NAV1: variants seen among roughly 807,000 people sequenced by gnomAD.
NAV1 encodes pore membrane and/or filament interacting like protein 3.
Under a neutral mutation model 175.2 loss-of-function variants are expected in NAV1, and 18 were observed. The ratio of observed to expected loss-of-function variants is 0.10; its 90% confidence interval spans 0.07 to 0.15. The LOEUF is 0.15. Ranked by LOEUF, NAV1 falls within the 10% of genes least tolerant of loss-of-function variation. The probability of loss-of-function intolerance (pLI) is 1.00; values close to 1 mark genes in which losing one functional copy is unlikely to be tolerated. For missense variants in NAV1, 1,731 were observed against 2,436.6 expected (o/e 0.71, Z 6.10); for synonymous variants, 897 against 978.7 (o/e 0.92, Z 1.56).
chr1:201,638,484 AG>A (rs1460341031), intron 2 of NAV1, among the ~76,000 whole-genome samples: 1 of 152,198 alleles, frequency 6.6e-6, no homozygotes, highest in Non-Finnish European at 1.5e-5. Context: ...CAGGAGAGTC[AG>A]GGCCCTCCTT....
chr1:201,687,765 GC>G (rs1303112199), intron 1 of NAV1, among the ~76,000 whole-genome samples: 1 of 152,192 alleles, frequency 6.6e-6, no homozygotes, highest in African/African-American at 2.4e-5. Flanking sequence ...TGAACATGGT[GC>G]CCCACCCTTT....
intron 16 of NAV1, 95 bp downstream of exon 20, chr1:201,803,809 G>A: frequency 6.8e-7 from 1 of 1,468,922 alleles, no homozygotes; most frequent in Non-Finnish European, 9.2e-7. Flanking sequence ...ATTAACCAAG[G>A]TGTAGTCCCG....
upstream of NAV1, chr1:201,648,196 G>GGGCTGGCT (rs564215880): frequency 1.0e-5 from 10 of 985,116 alleles, no homozygotes; most frequent in Non-Finnish European, 1.2e-5. Flanking sequence ...GCCTCGACTC[G>GGGCTGGCT]GGCTGGCTGG....
chr1:201,650,136 G>C (rs1463995137), intron 1 of NAV1, among the ~76,000 whole-genome samples: 2 of 152,254 alleles, frequency 1.3e-5, no homozygotes, highest in Non-Finnish European at 2.9e-5. Flanking sequence ...CTGTTTGACC[G>C]GGAAGCCTTT....
intron 1 of NAV1, among the ~76,000 whole-genome samples, chr1:201,659,445 A>G (rs1403046193): frequency 6.6e-6 from 1 of 152,162 alleles, no homozygotes; most frequent in East Asian, 1.9e-4. Flanking sequence ...GCAAGACTAC[A>G]TCCGTACAAA....
chr1:201,740,572 G>A lies in NAV1; in HGVS notation c.1226+21817G>A, dbSNP rs1228286982. On this transcript the variant is annotated intron_variant, in intron 3 of 29. Transcript: ENST00000367296. This position sits in a 1 kb window ranked among gnomAD's most constrained non-coding sequence, Gnocchi z 4.7. ...CGGAAGCTCCGGGGGTCGTCCTGGGGTGAAAGGAGGTGGTGGGAGGCGGAA... is the reference window on the plus strand; with the variant it reads ...CGGAAGCTCCGGGGGTCGTCCTGGGATGAAAGGAGGTGGTGGGAGGCGGAA... Among the ~76,000 whole-genome samples, 1 of 152,146 alleles carries A rather than the reference G, an allele frequency of 6.6e-6. No homozygotes were observed. The highest frequency in any genetic ancestry group is 1.5e-5 in the Non-Finnish European group (1 of 68,016).
At chr1:201,567,219 G>C (rs1123033) in intron 1 of NAV1, among the ~76,000 whole-genome samples, 6,122 of 152,296 alleles carry the variant, frequency 0.04, 140 homozygotes, top group South Asian at 0.11. Context: ...TCAGCTGCAG[G>C]GGGGAGTGGA....
At chr1:201,636,404 T>C (rs1429502416) in intron 2 of NAV1, among the ~76,000 whole-genome samples, 1 of 152,088 alleles carries the variant, frequency 6.6e-6, no homozygotes, top group Non-Finnish European at 1.5e-5. Context: ...AGAGAGGCAG[T>C]TGAAGAGAGA....
chr1:201,749,229 T>C (rs915672619), intron 3 of NAV1, among the ~76,000 whole-genome samples: 1 of 152,232 alleles, frequency 6.6e-6, no homozygotes. Context: ...GCTGGCCATG[T>C]GATTTCAGCC....
At chr1:201,552,550 G>A (rs578017077) in intron 1 of NAV1, among the ~76,000 whole-genome samples, 2 of 152,192 alleles carry the variant, frequency 1.3e-5, no homozygotes, top group African/African-American at 4.8e-5. Context: ...AGCCTGACCC[G>A]GGTTCCTACA....
intron 1 of NAV1, among the ~76,000 whole-genome samples, chr1:201,699,642 A>C (rs1671331165): frequency 6.6e-6 from 1 of 152,224 alleles, no homozygotes; most frequent in Admixed American, 6.5e-5. Flanking sequence ...AGACAATCCT[A>C]AGCCAAAAGA....
chr1:201,654,562 G>T (rs1395552024), intron 1 of NAV1, among the ~76,000 whole-genome samples: 2 of 152,128 alleles, frequency 1.3e-5, no homozygotes, highest in Non-Finnish European at 2.9e-5. Flanking sequence ...TCCACGTGGT[G>T]CAAGGGAGAG....
chr1:201,750,241 G>A lies in NAV1; in HGVS notation c.1227-30180G>A, dbSNP rs1173819495. On this transcript the variant is annotated intron_variant, in intron 3 of 29. Transcript: ENST00000367296. This position sits in a 1 kb window ranked among gnomAD's most constrained non-coding sequence, Gnocchi z 4.1. ...GATTTTACATGTAATGAGTGCCTAA[G>A]GAAGGTATGAAAAACCCTTCCCTGG... Among the ~76,000 whole-genome samples the A allele has an allele frequency of 6.6e-6, 1 of 152,134 alleles. No individual in the cohort carries two copies. Among genetic ancestry groups the A allele is most frequent in the Non-Finnish European group, 1.5e-5 (1 of 68,024 alleles).
chr1:201,652,597 A>G (rs1426880394), intron 1 of NAV1, among the ~76,000 whole-genome samples: 1 of 152,146 alleles, frequency 6.6e-6, no homozygotes, highest in East Asian at 1.9e-4. Flanking sequence ...TGGAGGCTGC[A>G]TTCCTGAGTT....
rs1671479145 is a variant in NAV1, at chr1:201,702,676, CTCTCTCTCTCTCTCTCT to C, written c.758-10140_758-10124del. ...GGGTGAATTTTGGTATGTGAATTCT[CTCTCTCTCTCTCTCTCT>C]CTCTCTCTCTCTCTCTCTCTCTCTC... On this transcript the variant is annotated intron_variant, in intron 1 of 29. Coordinates refer to ENST00000367296, the Ensembl canonical transcript of NAV1. Among the ~76,000 whole-genome samples, 62 of 125,744 alleles carry C rather than the reference CTCTCTCTCTCTCTCTCT, an allele frequency of 4.9e-4. 1 individual carries two copies. Among genetic ancestry groups the C allele is most frequent in the African/African-American group, 1.3e-3 (41 of 30,744 alleles). 82.5% of individuals were successfully genotyped at this position (125,744 alleles called of 152,430 possible).
At chr1:201,642,275 C>A (rs757091381) in intron 2 of NAV1, among the ~76,000 whole-genome samples, 2 of 150,784 alleles carry the variant, frequency 1.3e-5, no homozygotes, top group East Asian at 4.0e-4. Flanking sequence ...TGCAGTGGCG[C>A]GATCTCGGCT....
chr1:201,598,350 A>G (rs567229080), intron 2 of NAV1, among the ~76,000 whole-genome samples: 1 of 152,362 alleles, frequency 6.6e-6, no homozygotes, highest in East Asian at 1.9e-4. Flanking sequence ...ATAGGGAGGA[A>G]TCAAGTGCTG....
intron 3 of NAV1, among the ~76,000 whole-genome samples, chr1:201,762,365 C>A (rs1674914892): frequency 6.6e-6 from 1 of 152,110 alleles, no homozygotes; most frequent in South Asian, 2.1e-4. Flanking sequence ...TTTTTTTGGT[C>A]TAGCCCCAGG....
chr1:201,608,003 A>C (rs1667737824), intron 2 of NAV1, among the ~76,000 whole-genome samples: 1 of 148,770 alleles, frequency 6.7e-6, no homozygotes, highest in South Asian at 2.1e-4. Context: ...GGTGATAGAC[A>C]TTTTCTTTTT....
Sources: allele counts gnomAD v4.1 joint callset (sites outside exome capture counted in the v4.1 genomes callset), GRCh38; gene constraint gnomAD v4.1.1; non-coding constraint Gnocchi (gnomAD v3.1); transcripts MANE v1.5; gene names NCBI Gene and HGNC (gene_info 2026-07-23, HGNC 2026-07-21).